MELK: variants seen among roughly 807,000 people sequenced by gnomAD.
MELK encodes pEg3 kinase.
MELK carries 81 observed loss-of-function variants against 85.0 expected under a neutral mutation model. The observed-to-expected ratio is 0.95, with a 90% CI of 0.80 to 1.15. The LOEUF (loss-of-function observed/expected upper bound fraction) is 1.15. Among genes scored for constraint, MELK ranks in the 50% most tolerant of loss-of-function variants. The probability of loss-of-function intolerance (pLI) is 0.00; values close to 1 mark genes in which losing one functional copy is unlikely to be tolerated. For synonymous variants in MELK, 252 were observed against 265.0 expected (o/e 0.95, Z 0.48); for missense variants, 754 against 777.5 (o/e 0.97, Z 0.36).
At chr9:36,644,209 TTGTGTGTGTGTGTGTGTG>T (rs55796800) in intron 11 of MELK, among the ~76,000 whole-genome samples, 3,036 of 145,408 alleles carry the variant, frequency 0.021, 89 homozygotes, top group African/African-American at 0.069. Flanking sequence ...TACCTGTGTT[TTGTGTGTGTGTGTGTGTG>T]TGTGTGTGTG....
chr9:36,664,694 A>T (rs974951774), intron 13 of MELK, among the ~76,000 whole-genome samples: 1 of 152,182 alleles, frequency 6.6e-6, no homozygotes, highest in African/African-American at 2.4e-5. Context: ...TTTTAGCTAT[A>T]GCCCTTCCTG....
chr9:36,608,014 C>T (rs1312414826), intron 8 of MELK, among the ~76,000 whole-genome samples: 1 of 152,062 alleles, frequency 6.6e-6, no homozygotes, highest in Non-Finnish European at 1.5e-5. Flanking sequence ...GGCGCGGTGG[C>T]TCACGCCTGT....
Position 36,593,392 on chromosome 9 carries a change from G to A in MELK, c.262-1236G>A, listed in dbSNP as rs547709742. ...GAATGGGATTAGTGCCTTTATACAGGAGGCTTTAGGGAGCCTGTTTGCTCC... is the reference window on the plus strand; with the variant it reads ...GAATGGGATTAGTGCCTTTATACAGAAGGCTTTAGGGAGCCTGTTTGCTCC... On this transcript the variant is annotated intron_variant, in intron 4 of 17. Transcript: ENST00000298048. 3.9e-5 allele frequency among the ~76,000 whole-genome samples: 6 copies of A among 152,126 alleles called. No individual in the cohort carries two copies. In the South Asian group the frequency reaches 1.2e-3, roughly 32 times the overall value.
chr9:36,645,926 G>C (rs958442762), intron 11 of MELK, among the ~76,000 whole-genome samples: 14 of 152,132 alleles, frequency 9.2e-5, no homozygotes, highest in Admixed American at 9.2e-4. Context: ...ATCTCCAAGT[G>C]GTTCATATGG....
Position 36,657,322 on chromosome 9 carries a change from G to T in MELK, c.1135G>T (p.Asp379Tyr). Residue 379 changes from aspartate (D) to tyrosine (Y), a missense_variant, in exon 13 of 18, where the codon GAT becomes TAT. Coordinates refer to ENST00000298048, the MANE Select transcript of MELK (RefSeq NM_014791.4). ...ATTAATAGACTATGATTGGTGTGAA[G>T]ATGATTTATCAACAGGTGCTGCTAC... The part of the protein sequence containing the change: ...AGLIDYDWCE[D>Y]DLSTGAATPR... 1 of 1,613,392 alleles carries T rather than the reference G, an allele frequency of 6.2e-7. No homozygotes were observed. Among genetic ancestry groups the T allele is most frequent in the Non-Finnish European group, 8.5e-7 (1 of 1,179,856 alleles).
intron 9 of MELK, among the ~76,000 whole-genome samples, chr9:36,631,109 G>A (rs1233818945): frequency 1.3e-5 from 2 of 151,334 alleles, no homozygotes; most frequent in Admixed American, 6.6e-5. Flanking sequence ...TACTACAGGC[G>A]TGTGCCACTA....
chr9:36,612,673 G>A (rs1331596287), intron 8 of MELK, among the ~76,000 whole-genome samples: 4 of 152,250 alleles, frequency 2.6e-5, no homozygotes, highest in Non-Finnish European at 4.4e-5. Context: ...ATTTCTAAAT[G>A]AGATTTGCCA....
chr9:36,643,693 C>T (rs556690142), intron 11 of MELK, among the ~76,000 whole-genome samples: 23 of 151,984 alleles, frequency 1.5e-4, no homozygotes, highest in Admixed American at 5.9e-4. Context: ...CCAGCACTTT[C>T]GGAGGCTGAG....
chr9:36,600,710 C>G (rs1398236377), intron 7 of MELK, among the ~76,000 whole-genome samples: 1 of 152,122 alleles, frequency 6.6e-6, no homozygotes, highest in Non-Finnish European at 1.5e-5. Context: ...TTAATGTGCT[C>G]TTGTACAGTG....
intron 10 of MELK, among the ~76,000 whole-genome samples, chr9:36,636,584 T>C (rs945230118): frequency 3.3e-5 from 5 of 152,154 alleles, no homozygotes; most frequent in African/African-American, 1.2e-4. Context: ...AGCTGGGCTG[T>C]TCTTATGTAG....
chr9:36,652,042 A>ATTTTTTTTTTT (rs11465173), intron 12 of MELK, among the ~76,000 whole-genome samples, 165 bp downstream of exon 12: 2 of 91,396 alleles, frequency 2.2e-5, no homozygotes, highest in African/African-American at 8.3e-5. Flanking sequence ...TTGAACTCTA[A>ATTTTTTTTTTT]TTTTTTTTTT....
At chr9:36,603,908 A>G (rs1429788993) in intron 7 of MELK, among the ~76,000 whole-genome samples, 1 of 151,980 alleles carries the variant, frequency 6.6e-6, no homozygotes, top group Admixed American at 6.6e-5. Context: ...TTATCATTTT[A>G]TTCCTCTTTA....
At chr9:36,593,733 C>T (rs1823887720) in intron 4 of MELK, among the ~76,000 whole-genome samples, 1 of 152,102 alleles carries the variant, frequency 6.6e-6, no homozygotes, top group African/African-American at 2.4e-5. Context: ...ACTTTGTCAC[C>T]CAGGCTGGAG....
Position 36,599,469 on chromosome 9 carries a change from T to C in MELK, c.550T>C (p.Ser184Pro). 1 of 1,611,000 alleles carries C rather than the reference T, an allele frequency of 6.2e-7. No individual in the cohort carries two copies. The highest frequency in any genetic ancestry group is 8.5e-7 in the Non-Finnish European group (1 of 1,177,334). The change falls in exon 7 of 18, where the codon TCA (serine) becomes CCA (proline). Residue 184 changes from serine (S) to proline (P), a missense_variant. Ser to Pro is a moderately conservative substitution (Grantham distance 74). Transcript: ENST00000298048. ...YAAPELIQGKSYLGSEADVWS... is the reference protein window; with the variant it reads ...YAAPELIQGKPYLGSEADVWS... ...AGCACCTGAGTTAATACAAGGCAAA[T>C]CATATCTTGGATCAGAGGTAATTAT...
intron 3 of MELK, among the ~76,000 whole-genome samples, chr9:36,588,529 G>A (rs1373265441): frequency 6.6e-6 from 1 of 151,604 alleles, no homozygotes; most frequent in Admixed American, 6.6e-5. Flanking sequence ...ACAGCCATGC[G>A]GCACCATGCC....
At chr9:36,676,021 T>G (rs1439880543) in intron 17 of MELK, among the ~76,000 whole-genome samples, 2 of 152,202 alleles carry the variant, frequency 1.3e-5, no homozygotes, top group African/African-American at 4.8e-5. Flanking sequence ...TTCTTCATGC[T>G]TGGGGCTATG....
At chr9:36,619,652 AC>A (rs1401666379) in intron 8 of MELK, among the ~76,000 whole-genome samples, 19 of 152,072 alleles carry the variant, frequency 1.2e-4, no homozygotes, top group African/African-American at 3.1e-4. Context: ...TGAGTTTTGA[AC>A]CCCCCAAAAA....
intron 6 of MELK, 77 bp downstream of exon 6, chr9:36,597,367 C>T (rs1430531086): frequency 7.7e-7 from 1 of 1,303,214 alleles, no homozygotes; most frequent in African/African-American, 1.5e-5. Context: ...GTCCTGACTT[C>T]CACTTATTCT....
intron 14 of MELK, among the ~76,000 whole-genome samples, chr9:36,667,914 C>T (rs1027203838): frequency 2.6e-5 from 4 of 151,962 alleles, no homozygotes; most frequent in Non-Finnish European, 2.9e-5. Flanking sequence ...ATTACAGGTG[C>T]GCACCACCAT....
Sources: gnomAD v4.1 joint callset for allele counts (sites outside exome capture counted in the v4.1 genomes callset) on GRCh38, gnomAD v4.1.1 for gene constraint, MANE v1.5 for transcripts, NCBI Gene and HGNC (gene_info 2026-07-23, HGNC 2026-07-21) for gene names.